SPIDR: variants seen among roughly 807,000 people sequenced by gnomAD.
SPIDR encodes the protein DNA repair-scaffolding protein.
A neutral mutation model predicts 104.6 loss-of-function variants in SPIDR; 93 were observed. That is an observed-to-expected ratio of 0.89 (90% CI 0.75 to 1.06). The LOEUF is 1.06. SPIDR is among the 50% of genes least tolerant of loss of function. The pLI, the probability that SPIDR is intolerant of heterozygous loss-of-function variation, is 0.00. For synonymous variants in SPIDR, 431 were observed against 416.9 expected, an observed-to-expected ratio of 1.03 and a Z score of -0.41; for missense variants, 1,154 against 1,111.2, an observed-to-expected ratio of 1.04 and a Z score of -0.55.
rs532803444 is a variant in SPIDR, at chr8:47,262,672, C to G, written c.33+1681C>G. 5.3e-5 allele frequency among the ~76,000 whole-genome samples: 8 copies of G among 152,308 alleles called. No homozygotes were observed. In the South Asian group the frequency reaches 1.7e-3, roughly 32 times the overall value. ...TATAGCCTAAACTCAGAAGTGACAT[C>G]CCATCTCCTGTCTATTCATTACATG... On this transcript the variant is annotated intron_variant, in intron 1 of 19. Transcript: ENST00000297423.
chr8:47,421,606 A>G (rs1161200054), intron 7 of SPIDR, among the ~76,000 whole-genome samples: 1 of 152,140 alleles, frequency 6.6e-6, no homozygotes, highest in East Asian at 1.9e-4. Flanking sequence ...TTCTTCTCTC[A>G]ACTTGTGAAA....
intron 8 of SPIDR, among the ~76,000 whole-genome samples, chr8:47,458,218 TG>T (rs1290788100): frequency 6.6e-6 from 1 of 152,190 alleles, no homozygotes; most frequent in Non-Finnish European, 1.5e-5. Context: ...TCCATGAGCA[TG>T]GGATGTGTTT....
At chr8:47,512,847 T>C (rs1450252584) in intron 8 of SPIDR, among the ~76,000 whole-genome samples, 1 of 152,254 alleles carries the variant, frequency 6.6e-6, no homozygotes, top group Non-Finnish European at 1.5e-5. Context: ...GGCACGAATG[T>C]TAAATAAATT....
At chr8:47,489,380 A>G (rs1215381265) in intron 8 of SPIDR, among the ~76,000 whole-genome samples, 1 of 152,242 alleles carries the variant, frequency 6.6e-6, no homozygotes, top group East Asian at 1.9e-4. Flanking sequence ...AGAACATTCC[A>G]TCCTCGTGGA....
chr8:47,584,098 A>G (rs994569002), intron 8 of SPIDR, among the ~76,000 whole-genome samples: 14 of 152,228 alleles, frequency 9.2e-5, no homozygotes, highest in Middle Eastern at 3.4e-3. Flanking sequence ...GATTTGTGCT[A>G]TTATGTGACT....
chr8:47,618,256 A>G (rs568095708), intron 10 of SPIDR, among the ~76,000 whole-genome samples: 9 of 152,224 alleles, frequency 5.9e-5, no homozygotes, highest in Admixed American at 1.3e-4. Flanking sequence ...TATCGGTGTA[A>G]AGGCTTTTCC....
chr8:47,530,903 T>C (rs1314165104), intron 8 of SPIDR, among the ~76,000 whole-genome samples: 1 of 152,048 alleles, frequency 6.6e-6, no homozygotes, highest in Non-Finnish European at 1.5e-5. Context: ...TTTTTTTCTA[T>C]TAAAATTTTT....
chr8:47,554,989 G>A (rs1367543448), intron 8 of SPIDR, among the ~76,000 whole-genome samples: 1 of 152,088 alleles, frequency 6.6e-6, no homozygotes, highest in African/African-American at 2.4e-5. Context: ...TCCAGTTCTT[G>A]GTCTAGAAAT....
chr8:47,401,192 TAAAG>T (rs1319962112), intron 6 of SPIDR, among the ~76,000 whole-genome samples: 1 of 152,136 alleles, frequency 6.6e-6, no homozygotes, highest in African/African-American at 2.4e-5. Context: ...TCAACATTCT[TAAAG>T]AAAAGAATTT....
chr8:47,624,602 T>C lies in SPIDR; in HGVS notation c.1544+25406T>C, dbSNP rs572171374. On this transcript the variant is annotated intron_variant, in intron 10 of 19. Coordinates refer to ENST00000297423, the MANE Select transcript of SPIDR (RefSeq NM_001080394.4). ...TACAAACTACCATCAGAGAATACTA[T>C]AAACACCTCTACGCAAATAAACTAG... Among the ~76,000 whole-genome samples, 423 of 152,040 alleles carry C rather than the reference T, an allele frequency of 2.8e-3. 1 individual carries two copies. Among genetic ancestry groups the C allele is most frequent in the African/African-American group, 9.9e-3 (411 of 41,486 alleles).
chr8:47,444,312 G>T (rs1274515362), intron 8 of SPIDR, among the ~76,000 whole-genome samples: 2 of 152,224 alleles, frequency 1.3e-5, no homozygotes, highest in Non-Finnish European at 2.9e-5. Context: ...ACTCCAGAAT[G>T]AGGGCAGGTG....
At chr8:47,461,119 G>C (rs1248705512) in intron 8 of SPIDR, among the ~76,000 whole-genome samples, 3 of 152,178 alleles carry the variant, frequency 2.0e-5, no homozygotes, top group Non-Finnish European at 2.9e-5. Flanking sequence ...ATAACCTGAT[G>C]ACAGTATGCC....
intron 8 of SPIDR, among the ~76,000 whole-genome samples, chr8:47,531,438 A>G (rs141180200): frequency 2.2e-4 from 34 of 152,226 alleles, no homozygotes; most frequent in Admixed American, 3.3e-4. Flanking sequence ...CCTTTTAGAA[A>G]TATATCCATG....
intron 7 of SPIDR, among the ~76,000 whole-genome samples, chr8:47,422,613 G>T (rs2065727671): frequency 6.6e-6 from 1 of 152,210 alleles, no homozygotes; most frequent in African/African-American, 2.4e-5. Context: ...TGCAGCCACT[G>T]TCCTGCACCC....
intron 5 of SPIDR, among the ~76,000 whole-genome samples, chr8:47,345,809 A>G (rs2051856031): frequency 6.6e-6 from 1 of 152,120 alleles, no homozygotes; most frequent in Non-Finnish European, 1.5e-5. Flanking sequence ...TTGCACATTG[A>G]TTTTGTATCC....
At chr8:47,407,326 C>G (rs1554667969) in intron 6 of SPIDR, among the ~76,000 whole-genome samples, 1 of 152,082 alleles carries the variant, frequency 6.6e-6, no homozygotes, top group Non-Finnish European at 1.5e-5. Context: ...GGACCCATAC[C>G]CAAGTGCTCT....
chr8:47,286,301 A>G (rs1219816372), intron 3 of SPIDR, among the ~76,000 whole-genome samples: 1 of 152,222 alleles, frequency 6.6e-6, no homozygotes, highest in East Asian at 1.9e-4. Context: ...TGCTGGCTGA[A>G]AAAAGGCATT....
At chr8:47,601,150 C>T (rs2062226170) in intron 10 of SPIDR, among the ~76,000 whole-genome samples, 1 of 152,120 alleles carries the variant, frequency 6.6e-6, no homozygotes, top group Non-Finnish European at 1.5e-5. Context: ...GAAAGAAGGC[C>T]AGGCATGAAC....
At chr8:47,266,812 A>C (rs1554547131) in intron 1 of SPIDR, among the ~76,000 whole-genome samples, 1 of 152,216 alleles carries the variant, frequency 6.6e-6, no homozygotes, top group Non-Finnish European at 1.5e-5. Flanking sequence ...GTATATTTAC[A>C]GAGTTGTACA....
Sources: gnomAD v4.1 joint callset for allele counts (sites outside exome capture counted in the v4.1 genomes callset) on GRCh38, gnomAD v4.1.1 for gene constraint, MANE v1.5 for transcripts, NCBI Gene and HGNC (gene_info 2026-07-23, HGNC 2026-07-21) for gene names.